HCK: variants seen among roughly 807,000 people sequenced by gnomAD.
HCK encodes tyrosine-protein kinase HCK.
A neutral mutation model predicts 70.4 loss-of-function variants in HCK; 40 were observed. The observed-to-expected ratio is 0.57, with a 90% CI of 0.44 to 0.74. HCK has a LOEUF of 0.74. HCK is among the 30% of genes least tolerant of loss of function. The pLI is 0.00. For synonymous variants in HCK, 245 were observed against 263.2 expected (o/e 0.93, Z 0.67); for missense variants, 568 against 697.2 (o/e 0.81, Z 2.09).
At chr20:32,096,499 C>CAAAA (rs55905450) in intron 11 of HCK, among the ~76,000 whole-genome samples, 1 of 92,458 alleles carries the variant, frequency 1.1e-5, no homozygotes, top group Non-Finnish European at 2.2e-5. Flanking sequence ...GACTCCGTCT[C>CAAAA]AAAAAAAAAA....
At chr20:32,090,454 C>A (rs2045848821) in intron 10 of HCK, among the ~76,000 whole-genome samples, 1 of 152,176 alleles carries the variant, frequency 6.6e-6, no homozygotes, top group Non-Finnish European at 1.5e-5. Flanking sequence ...TTGTGGGTGA[C>A]ATGAAATGTT....
At chr20:32,065,530 G>A (rs938566218) in intron 1 of HCK, among the ~76,000 whole-genome samples, 1 of 152,122 alleles carries the variant, frequency 6.6e-6, no homozygotes. Flanking sequence ...CTCTCTGGTG[G>A]CTTCACTCTA....
intron 8 of HCK, 93 bp from the exon 9 acceptor site, chr20:32,086,535 T>G (rs752251751): frequency 5.8e-6 from 6 of 1,033,798 alleles, no homozygotes; most frequent in Non-Finnish European, 8.3e-6. Context: ...GGAAAGACTT[T>G]CTGGAGGAGG....
At chr20:32,066,471 C>G (rs886350535) in intron 1 of HCK, among the ~76,000 whole-genome samples, 2 of 151,794 alleles carry the variant, frequency 1.3e-5, no homozygotes, top group Non-Finnish European at 2.9e-5. Context: ...GCCGCCACAC[C>G]TGGCTAATTT....
intron 11 of HCK, among the ~76,000 whole-genome samples, chr20:32,096,598 C>A (rs1023818240): frequency 1.3e-5 from 2 of 151,806 alleles, no homozygotes; most frequent in Non-Finnish European, 2.9e-5. Flanking sequence ...AACTCTTGGG[C>A]TCAAGCAATC....
intron 1 of HCK, among the ~76,000 whole-genome samples, chr20:32,058,277 A>G (rs543390248): frequency 6.6e-6 from 1 of 152,214 alleles, no homozygotes; most frequent in East Asian, 1.9e-4. Context: ...CACACCTGTA[A>G]TCCCAGCACT....
At chr20:32,064,878 G>GCCC (rs2045433515) in intron 1 of HCK, among the ~76,000 whole-genome samples, 2 of 152,254 alleles carry the variant, frequency 1.3e-5, no homozygotes, top group Admixed American at 1.3e-4. Context: ...GGTTCCCAGG[G>GCCC]ACGGCAGTGG....
At chr20:32,065,396 T>C (rs2045440710) in intron 1 of HCK, among the ~76,000 whole-genome samples, 1 of 152,158 alleles carries the variant, frequency 6.6e-6, no homozygotes, top group Non-Finnish European at 1.5e-5. Context: ...TTAAGCAAAA[T>C]TGATAATTTA....
At chr20:32,094,751 A>AAGAAAGGG (rs2045917379) in intron 11 of HCK, among the ~76,000 whole-genome samples, 5 of 87,958 alleles carry the variant, frequency 5.7e-5, no homozygotes, top group South Asian at 7.2e-4. Flanking sequence ...GAAAGAAAGA[A>AAGAAAGGG]AGAAAGAAAG....
chr20:32,061,190 G>A (rs1440508998), intron 1 of HCK, among the ~76,000 whole-genome samples: 5 of 152,142 alleles, frequency 3.3e-5, no homozygotes, highest in East Asian at 1.9e-4. Flanking sequence ...CACCATGTTG[G>A]CCAGGCTGGT....
At chr20:32,084,662 T>A in intron 8 of HCK, 119 bp downstream of exon 8, 1 of 881,408 alleles carries the variant, frequency 1.1e-6, no homozygotes, top group Non-Finnish European at 1.7e-6. Flanking sequence ...GGGGGAGATT[T>A]AAATAATAGC....
At chr20:32,088,861 A>G (rs2045826183) in intron 10 of HCK, among the ~76,000 whole-genome samples, 1 of 152,096 alleles carries the variant, frequency 6.6e-6, no homozygotes. Context: ...GATTTTTGTT[A>G]TCTATTTTGG....
At chr20:32,066,331 T>TTTTTTTTGA (rs60044994) in intron 1 of HCK, among the ~76,000 whole-genome samples, 2,881 of 81,828 alleles carry the variant, frequency 0.035, 730 homozygotes, top group East Asian at 0.11. Context: ...TTTTTTTTTT[T>TTTTTTTTGA]GACAGAGTCT....
intron 12 of HCK, among the ~76,000 whole-genome samples, chr20:32,101,079 T>A (rs2046026627): frequency 6.6e-6 from 1 of 152,188 alleles, no homozygotes; most frequent in Admixed American, 6.5e-5. Context: ...AGGAAAAACC[T>A]TTCCATCACT....
chr20:32,061,387 C>A (rs563686096), intron 1 of HCK, among the ~76,000 whole-genome samples: 8 of 152,246 alleles, frequency 5.3e-5, no homozygotes, highest in Non-Finnish European at 8.8e-5. Flanking sequence ...CTCCCTGCCA[C>A]ACTCAGTCAT....
rs771313242 is a variant in HCK, at chr20:32,094,025, C to T, written c.1246+9C>T. The T allele has an allele frequency of 3.5e-5, 57 of 1,608,452 alleles. No individual in the cohort carries two copies. Among genetic ancestry groups the T allele is most frequent in the South Asian group, 1.8e-4 (16 of 90,790 alleles). On this transcript the variant is annotated intron_variant, in intron 11 of 12. Transcript: ENST00000375852. Reference sequence around the variant, plus strand: ...GTACACGGCTCGGGAAGGTAGGGAACGCTGCCAAGCAGCCCCACGTTGCCC... The same window carrying T: ...GTACACGGCTCGGGAAGGTAGGGAATGCTGCCAAGCAGCCCCACGTTGCCC...
chr20:32,061,144 C>T (rs1304327210), intron 1 of HCK, among the ~76,000 whole-genome samples: 1 of 152,150 alleles, frequency 6.6e-6, no homozygotes, highest in Non-Finnish European at 1.5e-5. Context: ...CCACCACGCC[C>T]AGCTAATTTT....
rs752447291 is a variant in HCK, at chr20:32,079,812, G to A, written c.467G>A (p.Arg156His). 12 of 1,613,944 alleles carry A rather than the reference G, an allele frequency of 7.4e-6. No homozygotes were observed. The highest frequency in any genetic ancestry group is 5.0e-5 in the Admixed American group (3 of 59,998). Residue 156 changes from arginine (R) to histidine (H), a missense_variant, in exon 6 of 13, where the codon CGC (arginine) becomes CAC (histidine). This residue lies in a region of HCK where 318 missense variants were observed against 336.0 expected (regional missense o/e 0.95). Transcript: ENST00000375852. ...GGCATCAGCCGGAAGGACGCAGAGC[G>A]CCAACTGCTGGCTCCCGGCAACATG... is the stretch of plus-strand genomic sequence containing the variant.
At chr20:32,054,108 GT>G (rs2045226983) in intron 1 of HCK, 1 of 421,836 alleles carries the variant, frequency 2.4e-6, no homozygotes, top group Admixed American at 2.7e-5. Context: ...ATAGCATTTT[GT>G]TGTGTTTGTT....
Sources: gnomAD v4.1 joint callset for allele counts (sites outside exome capture counted in the v4.1 genomes callset) on GRCh38, gnomAD v4.1.1 for gene constraint, gnomAD v4.1.1 regional missense constraint, MANE v1.5 for transcripts, NCBI Gene and HGNC (gene_info 2026-07-23, HGNC 2026-07-21) for gene names.